The following CCDC102B variants were observed in gnomAD, a reference collection of about 807,000 sequenced individuals.
CCDC102B encodes coiled-coil domain containing 102B, also known as coiled-coil domain-containing protein 102B.
Under a neutral mutation model 57.4 loss-of-function variants are expected in CCDC102B, and 75 were observed. The observed-to-expected ratio is 1.31, with a 90% confidence interval of 1.08 to 1.58. CCDC102B has a LOEUF of 1.58. CCDC102B is among the 40% of genes most tolerant of loss of function. The probability of loss-of-function intolerance (pLI) is 0.00; values close to 1 mark genes in which losing one functional copy is unlikely to be tolerated. For missense variants in CCDC102B, 636 were observed against 582.6 expected (o/e 1.09, Z -0.94); for synonymous variants, 206 against 201.9 (o/e 1.02, Z -0.17).
chr18:69,028,480 T>C (rs2052052622), intron 7 of CCDC102B, among the ~76,000 whole-genome samples: 1 of 152,134 alleles, frequency 6.6e-6, no homozygotes, highest in Admixed American at 6.6e-5. Context: ...CATGGAAATA[T>C]TGTAGGAAGG....
chr18:68,855,278 C>G (rs76123625), intron 4 of CCDC102B, among the ~76,000 whole-genome samples: 2,940 of 152,134 alleles, frequency 0.019, 101 homozygotes, highest in African/African-American at 0.067. Flanking sequence ...GGGTTTTTGA[C>G]TCTTCCTAAG....
intron 4 of CCDC102B, among the ~76,000 whole-genome samples, chr18:68,868,055 A>G (rs981771021): frequency 1.1e-4 from 16 of 152,156 alleles, no homozygotes; most frequent in Non-Finnish European, 8.8e-5. Flanking sequence ...TTTCTCAATG[A>G]TATTTCCTCT....
At chr18:68,906,853 A>T (rs6566396) in intron 6 of CCDC102B, among the ~76,000 whole-genome samples, 49 of 145,036 alleles carry the variant, frequency 3.4e-4, no homozygotes, top group African/African-American at 3.1e-4. Flanking sequence ...TTTTTTTGTC[A>T]TTTATGCTTC....
At position 68,741,713 on chromosome 18, in the gene CCDC102B, A is replaced by C. The variant is rs111451323; in HGVS notation, c.-67+25119A>C. Among the ~76,000 whole-genome samples the C allele has an allele frequency of 8.1e-3, 792 of 97,646 alleles. 8 individuals carry two copies. Among genetic ancestry groups the C allele is most frequent in the African/African-American group, 0.031 (711 of 23,226 alleles). 64.1% of individuals were successfully genotyped at this position (97,646 alleles called of 152,430 possible). On this transcript the variant is annotated intron_variant, in intron 2 of 3. Coordinates refer to the CCDC102B transcript ENST00000578970. ...CACACACACACACACACACACACAC[A>C]CCCCAAGACAATATAGAAAGGTTTA...
intron 5 of CCDC102B, among the ~76,000 whole-genome samples, chr18:68,879,899 G>C (rs982708712): frequency 3.9e-5 from 6 of 152,334 alleles, no homozygotes; most frequent in African/African-American, 1.4e-4. Flanking sequence ...GGTTCTCCAC[G>C]TCCCCACCAG....
chr18:68,916,172 C>CATGT (rs548488062), intron 6 of CCDC102B, among the ~76,000 whole-genome samples: 1 of 138,850 alleles, frequency 7.2e-6, no homozygotes, highest in Non-Finnish European at 1.6e-5. Context: ...GATAGATATG[C>CATGT]ATCTATCTAT....
intron 6 of CCDC102B, among the ~76,000 whole-genome samples, chr18:68,943,113 TTAC>T (rs2049432973): frequency 7.1e-6 from 1 of 141,808 alleles, no homozygotes; most frequent in Non-Finnish European, 1.6e-5. Flanking sequence ...GGGGGTAGGG[TTAC>T]AGATTAACAG....
At chr18:68,901,393 G>A (rs2040447443) in intron 6 of CCDC102B, among the ~76,000 whole-genome samples, 2 of 152,120 alleles carry the variant, frequency 1.3e-5, no homozygotes, top group Admixed American at 1.3e-4. Flanking sequence ...ACACAAACAG[G>A]TCTAGAGCCA....
At chr18:68,715,224 T>A, upstream of CCDC102B, 2 of 1,353,224 alleles carry the variant, frequency 1.5e-6, no homozygotes, top group Middle Eastern at 2.8e-4. Flanking sequence ...TTAAGAATCC[T>A]TTGCGCTCTC....
intron 2 of CCDC102B, among the ~76,000 whole-genome samples, chr18:68,786,128 C>T (rs992251352): frequency 2.0e-5 from 3 of 148,428 alleles, no homozygotes; most frequent in African/African-American, 7.5e-5. Flanking sequence ...TGTCAAAGAT[C>T]AGATAGTTGT....
At chr18:68,895,423 A>G (rs1439999927) in intron 5 of CCDC102B, among the ~76,000 whole-genome samples, 3 of 151,782 alleles carry the variant, frequency 2.0e-5, no homozygotes, top group African/African-American at 2.4e-5. Flanking sequence ...ACTATAAAGG[A>G]TATTGTTGAA....
At chr18:68,896,808 T>G (rs1019649826) in intron 5 of CCDC102B, among the ~76,000 whole-genome samples, 5 of 151,984 alleles carry the variant, frequency 3.3e-5, no homozygotes, top group African/African-American at 1.2e-4. Context: ...ATAGCATCTG[T>G]CTATTCCCTA....
intron 4 of CCDC102B, among the ~76,000 whole-genome samples, chr18:68,867,914 G>T (rs1481431823): frequency 6.6e-6 from 1 of 151,998 alleles, no homozygotes; most frequent in African/African-American, 2.4e-5. Flanking sequence ...ATCCTGGGGC[G>T]AAAGAGTAAG....
intron 6 of CCDC102B, among the ~76,000 whole-genome samples, chr18:68,977,235 T>G: frequency 6.6e-6 from 1 of 152,038 alleles, no homozygotes; most frequent in Admixed American, 6.6e-5. Context: ...TGGGGTTAGC[T>G]TGTTTACACT....
intron 1 of CCDC102B, among the ~76,000 whole-genome samples, chr18:68,809,387 T>G (rs1046783090): frequency 1.3e-5 from 2 of 152,172 alleles, no homozygotes; most frequent in African/African-American, 4.8e-5. Flanking sequence ...AAACACAGTT[T>G]AAGTTTGTGT....
intron 2 of CCDC102B, among the ~76,000 whole-genome samples, chr18:68,786,053 C>G (rs2035197322): frequency 6.6e-6 from 1 of 150,884 alleles, no homozygotes; most frequent in Admixed American, 6.6e-5. Flanking sequence ...ATATGGCTAG[C>G]CAGTTTTCCC....
At chr18:69,042,508 T>C (rs2052458446) in intron 7 of CCDC102B, among the ~76,000 whole-genome samples, 1 of 152,074 alleles carries the variant, frequency 6.6e-6, no homozygotes, top group Admixed American at 6.6e-5. Context: ...CCTAACAGCT[T>C]TACCTGCTCT....
intron 2 of CCDC102B, among the ~76,000 whole-genome samples, chr18:68,717,076 CAAA>C (rs762558435): frequency 3.9e-5 from 4 of 103,194 alleles, no homozygotes; most frequent in African/African-American, 7.1e-5. Flanking sequence ...GACTCTGTTT[CAAA>C]AAAAAAAAAA....
intron 6 of CCDC102B, among the ~76,000 whole-genome samples, chr18:68,912,375 A>G (rs116929081): frequency 0.02 from 2,998 of 152,348 alleles, 54 homozygotes; most frequent in Admixed American, 0.035. Flanking sequence ...CTCACACACT[A>G]ACAGTCCAAC....
Sources: allele counts gnomAD v4.1 joint callset (sites outside exome capture counted in the v4.1 genomes callset), GRCh38; gene constraint gnomAD v4.1.1; transcripts MANE v1.5; gene names NCBI Gene and HGNC (gene_info 2026-07-23, HGNC 2026-07-21).